The following ART4 variants were observed in gnomAD, a reference collection of about 807,000 sequenced individuals.
ART4 encodes ecto-ADP-ribosyltransferase 4.
In ART4, 14 loss-of-function variants were observed where a neutral mutation model predicts 24.2. The ratio of observed to expected loss-of-function variants is 0.58; its 90% CI spans 0.38 to 0.90. The LOEUF is 0.90. ART4 is among the 40% of genes least tolerant of loss of function. ART4 has a pLI of 0.00. For synonymous variants in ART4, 145 were observed against 139.9 expected, an observed-to-expected ratio of 1.04 and a Z score of -0.26; for missense variants, 356 against 366.6, an observed-to-expected ratio of 0.97 and a Z score of 0.24.
At position 14,840,605 on chromosome 12, in the gene ART4, G is replaced by A; in HGVS notation, c.693C>T (p.Cys231=). The stretch of plus-strand genomic sequence containing the variant: ...AGAAGTACTGTACAGGTGCACCCAG[G>A]CAGGTGAATATGGTAAATAGTGTCT... The part of the protein sequence containing the change: ...GNQTLFTIFT[C]LGAPVQYFSL... The change falls in exon 2 of 3, where the codon TGC becomes TGT. Residue 231 remains cysteine (C), a synonymous_variant. Coordinates refer to ENST00000228936, the MANE Select transcript of ART4 (RefSeq NM_021071.4). 3 of 1,614,156 alleles carry A rather than the reference G, an allele frequency of 1.9e-6. No individual in the cohort carries two copies. The highest frequency in any genetic ancestry group is 1.7e-6 in the Non-Finnish European group (2 of 1,180,022).
In ART4 at chr12:14,825,792, T is replaced by A. The variant is rs765481818; in HGVS notation, c.*3579A>T. On this transcript the variant is annotated 3_prime_UTR_variant, in exon 3 of 3. Coordinates refer to ENST00000228936, the MANE Select transcript of ART4 (RefSeq NM_021071.4). Reference sequence around the variant, plus strand: ...CATTGGATTTTTTTTAAAGTAAGAGTAAATAGAGAACTTCAGGATAATCTA... The same window carrying A: ...CATTGGATTTTTTTTAAAGTAAGAGAAAATAGAGAACTTCAGGATAATCTA... 21 of 152,052 alleles carry A rather than the reference T, an allele frequency of 1.4e-4. No homozygotes were observed. The highest frequency in any genetic ancestry group is 4.6e-4 in the Admixed American group (7 of 15,258). 9.4% of individuals were successfully genotyped at this position (152,052 alleles called of 1,614,324 possible).
chr12:14,835,578 G>A (rs986954660), intron 2 of ART4, among the ~76,000 whole-genome samples: 4 of 151,510 alleles, frequency 2.6e-5, no homozygotes, highest in Admixed American at 1.3e-4. Flanking sequence ...ACACTGTAGC[G>A]AATAACTGAA....
At chr12:14,842,248 G>A (rs1183478780) in intron 1 of ART4, among the ~76,000 whole-genome samples, 1 of 152,158 alleles carries the variant, frequency 6.6e-6, no homozygotes, top group Non-Finnish European at 1.5e-5. Flanking sequence ...AGTACTCATT[G>A]AGGGACATGT....
chr12:14,831,653 T>G (rs1448533976), intron 2 of ART4, among the ~76,000 whole-genome samples: 1 of 152,056 alleles, frequency 6.6e-6, no homozygotes, highest in Non-Finnish European at 1.5e-5. Flanking sequence ...TTATACACCT[T>G]TGTGGGGAGC....
chr12:14,836,861 C>A (rs1950434477), intron 2 of ART4, among the ~76,000 whole-genome samples: 1 of 152,134 alleles, frequency 6.6e-6, no homozygotes. Context: ...CCTATCTCTT[C>A]CCTCTTCACT....
In ART4 at chr12:14,826,509, C is replaced by G. The variant is rs1950360901; in HGVS notation, c.*2862G>C. The G allele has an allele frequency of 6.6e-6, 1 of 152,186 alleles. No individual in the cohort carries two copies. The highest frequency in any genetic ancestry group is 2.4e-5 in the African/African-American group (1 of 41,448). 9.4% of individuals were successfully genotyped at this position (152,186 alleles called of 1,614,324 possible). On this transcript the variant is annotated 3_prime_UTR_variant, in exon 3 of 3. Coordinates refer to ENST00000228936, the MANE Select transcript of ART4 (RefSeq NM_021071.4). Reference sequence around the variant, plus strand: ...GGATCAGGCCCTAAAATTCACATTTCTAATGAGTTCTTAAAGGATGCTATT... The same window carrying G: ...GGATCAGGCCCTAAAATTCACATTTGTAATGAGTTCTTAAAGGATGCTATT...
Position 14,830,536 on chromosome 12 carries a change from A to AGTGTGT in ART4, c.854-1080_854-1075dup, listed in dbSNP as rs55694373. The stretch of plus-strand genomic sequence containing the variant: ...TAGTTTTTTGGAATTTCTATATAGG[A>AGTGTGT]GTGTGTGTGTGTGTGTGTGTGTGTG... On this transcript the variant is annotated intron_variant, in intron 2 of 2. Coordinates refer to ENST00000228936, the MANE Select transcript of ART4 (RefSeq NM_021071.4). Among the ~76,000 whole-genome samples, 744 of 124,144 alleles carry AGTGTGT rather than the reference A, an allele frequency of 6.0e-3. 17 individuals are homozygous for AGTGTGT. Among genetic ancestry groups the AGTGTGT allele is most frequent in the Admixed American group, 0.034 (415 of 12,306 alleles). The allele number at this position is 124,144 out of a possible 152,430, so 81.4% of individuals were successfully genotyped here. A position where few individuals can be genotyped will look rare whatever the true frequency, so the allele number is the denominator to read the frequency against.
intron 2 of ART4, among the ~76,000 whole-genome samples, chr12:14,833,235 G>T (rs887639562): frequency 6.6e-6 from 1 of 152,142 alleles, no homozygotes; most frequent in Non-Finnish European, 1.5e-5. Flanking sequence ...GGTAACTGTT[G>T]TATTTTATGA....
At chr12:14,836,213 TTTTC>T (rs1950429882) in intron 2 of ART4, among the ~76,000 whole-genome samples, 1 of 152,032 alleles carries the variant, frequency 6.6e-6, no homozygotes, top group Non-Finnish European at 1.5e-5. Flanking sequence ...GCATACAATT[TTTTC>T]TTTCTTTCTA....
Position 14,835,798 on chromosome 12 carries a change from T to C in ART4, c.853+4647A>G, listed in dbSNP as rs113579909. On this transcript the variant is annotated intron_variant, in intron 2 of 2. Coordinates refer to ENST00000228936, the MANE Select transcript of ART4 (RefSeq NM_021071.4). ...TTTTTGTATTTTTAGTAGAGACGGC[T>C]TTCACCATGTTGGTCAGGCTGGTCT... Among the ~76,000 whole-genome samples, 7 of 152,168 alleles carry C rather than the reference T, an allele frequency of 4.6e-5. No homozygotes were observed. The East Asian group carries it at 1.4e-3, about 29-fold the overall frequency.
chr12:14,829,975 A>G (rs73296643), intron 2 of ART4, among the ~76,000 whole-genome samples: 22,878 of 152,196 alleles, frequency 0.15, 2,010 homozygotes, highest in Non-Finnish European at 0.2. Context: ...CATCTTGTAA[A>G]TAGTATAGGC....
At position 14,828,974 on chromosome 12, in the gene ART4, T is replaced by G. The variant is rs1198878816; in HGVS notation, c.*397A>C. On this transcript the variant is annotated 3_prime_UTR_variant, in exon 3 of 3. Transcript: ENST00000228936. ...GCTCCCATTCTATTTCCAATTGCAATTCCACAAAAGTACCCTGATTGTATC... is the reference window on the plus strand; with the variant it reads ...GCTCCCATTCTATTTCCAATTGCAAGTCCACAAAAGTACCCTGATTGTATC... The G allele has an allele frequency of 1.3e-5, 2 of 153,650 alleles. No homozygotes were observed. The highest frequency in any genetic ancestry group is 2.9e-5 in the Non-Finnish European group (2 of 69,176). The allele number at this position is 153,650 out of a possible 1,614,324, so 9.5% of individuals were successfully genotyped here.
chr12:14,835,597 G>A (rs896890708), intron 2 of ART4, among the ~76,000 whole-genome samples: 1 of 148,344 alleles, frequency 6.7e-6, no homozygotes, highest in Admixed American at 6.9e-5. Context: ...AAAACATTCT[G>A]AAGGCAATCA....
chr12:14,830,639 C>G (rs1950388857), intron 2 of ART4, among the ~76,000 whole-genome samples: 1 of 45,168 alleles, frequency 2.2e-5, no homozygotes, highest in African/African-American at 7.9e-5. Flanking sequence ...TATGTGTGTA[C>G]TGTATGTATG....
intron 2 of ART4, 53 bp downstream of exon 2, chr12:14,840,392 T>A: frequency 6.9e-7 from 1 of 1,452,586 alleles, no homozygotes; most frequent in Non-Finnish European, 9.3e-7. Context: ...ATAACTTTTA[T>A]AAAAGAGCAG....
chr12:14,830,799 A>G (rs953398218), intron 2 of ART4, among the ~76,000 whole-genome samples: 1 of 149,522 alleles, frequency 6.7e-6, no homozygotes, highest in East Asian at 2.0e-4. Flanking sequence ...CACCAATAAG[A>G]GTTGGCAAGG....
rs578158537 is a variant in ART4 at position 14,838,301 on chromosome 12, T to C, written c.853+2144A>G. 2.0e-5 allele frequency among the ~76,000 whole-genome samples: 3 copies of C among 152,334 alleles called. No individual in the cohort carries two copies. The South Asian group carries it at 6.2e-4, about 32-fold the overall frequency. On this transcript the variant is annotated intron_variant, in intron 2 of 2. Coordinates refer to ENST00000228936, the MANE Select transcript of ART4 (RefSeq NM_021071.4). ...GGCAGAATGTGAGTAATGGTTTATA[T>C]TATATACTCCTTTCCCTCAGTTTCC...
chr12:14,826,599 C>T lies in ART4; in HGVS notation c.*2772G>A, dbSNP rs148856026. On this transcript the variant is annotated 3_prime_UTR_variant, in exon 3 of 3. Transcript: ENST00000228936. ...TCTTACTCAGAAAATTATGACTTCT[C>T]ATGGAAATCAAATGCTTTTGGCTGA... 2.0e-5 allele frequency: 3 copies of T among 152,318 alleles called. No individual in the cohort carries two copies. The highest frequency in any genetic ancestry group is 2.9e-5 in the Non-Finnish European group (2 of 68,034). The allele number at this position is 152,318 out of a possible 1,614,324, so 9.4% of individuals were successfully genotyped here.
chr12:14,831,095 A>T (rs928177629), intron 2 of ART4, among the ~76,000 whole-genome samples: 2 of 151,960 alleles, frequency 1.3e-5, no homozygotes, highest in African/African-American at 4.8e-5. Context: ...GATTTAAGAG[A>T]TTATATGTTG....
Sources: gnomAD v4.1 joint callset for allele counts (sites outside exome capture counted in the v4.1 genomes callset) on GRCh38, gnomAD v4.1.1 for gene constraint, MANE v1.5 for transcripts, NCBI Gene and HGNC (gene_info 2026-07-23, HGNC 2026-07-21) for gene names.